KIAA1671: variants seen among roughly 807,000 people sequenced by gnomAD.
KIAA1671 encodes uncharacterized protein KIAA1671.
A neutral mutation model predicts 131.2 loss-of-function variants in KIAA1671; 52 were observed. That is an observed-to-expected ratio of 0.40 (90% CI 0.32 to 0.50). The LOEUF (loss-of-function observed/expected upper bound fraction) is 0.50. KIAA1671 is among the 20% of genes least tolerant of loss of function. The pLI is 0.73. For missense variants in KIAA1671, 2,360 were observed against 2,364.2 expected (o/e 1.00, Z 0.04); for synonymous variants, 1,003 against 961.6 (o/e 1.04, Z -0.80).
chr22:24,954,334 C>T (rs974782295), intron 1 of KIAA1671, among the ~76,000 whole-genome samples: 2 of 152,122 alleles, frequency 1.3e-5, no homozygotes, highest in African/African-American at 4.8e-5. Flanking sequence ...GACTCTGGCG[C>T]CTCCTTCCTT....
chr22:25,093,712 C>G (rs1601304755), intron 6 of KIAA1671, among the ~76,000 whole-genome samples: 1 of 120,572 alleles, frequency 8.3e-6, no homozygotes, highest in African/African-American at 5.2e-5. Context: ...CACACACACA[C>G]ACACACACAC....
At chr22:25,182,034 C>T (rs1043098273) in intron 10 of KIAA1671, among the ~76,000 whole-genome samples, 1 of 152,096 alleles carries the variant, frequency 6.6e-6, no homozygotes, top group Non-Finnish European at 1.5e-5. Context: ...AAAAAATTAG[C>T]CGGGCGTGGT....
rs1923490519 is a variant in KIAA1671 at position 24,985,735 on chromosome 22, AGTGTGTGTGTGTATGTGTGTGT to A, written c.-208+32979_-208+33000del. Reference sequence around the variant, plus strand: ...GGGGGAGAGAGAGAGAGAGTGTGTGAGTGTGTGTGTGTATGTGTGTGTGTGTGTGTGTGTATGGTGAGGGGAG... The same window carrying A: ...GGGGGAGAGAGAGAGAGAGTGTGTGAGTGTGTGTGTGTATGGTGAGGGGAG... On this transcript the variant is annotated intron_variant, in intron 1 of 12. Coordinates refer to ENST00000358431, the MANE Select transcript of KIAA1671 (RefSeq NM_001145206.2). 2.1e-5 allele frequency among the ~76,000 whole-genome samples: 3 copies of A among 146,322 alleles called. No individual in the cohort carries two copies. The South Asian group carries it at 6.6e-4, about 32-fold the overall frequency.
At position 25,093,854 on chromosome 22, in the gene KIAA1671, C is replaced by CTG. The variant is rs1568951703; in HGVS notation, c.4530+44491_4530+44492insGT. ...TCTCTGTCTGTCTCTCTCTCTCTCT[C>CTG]TCTCTCTCTCTCTCTCTCTCTCTCT... is the stretch of plus-strand genomic sequence containing the variant. On this transcript the variant is annotated intron_variant, in intron 6 of 12. Coordinates refer to ENST00000358431, the MANE Select transcript of KIAA1671 (RefSeq NM_001145206.2). 2.3e-3 allele frequency among the ~76,000 whole-genome samples: 266 copies of CTG among 114,806 alleles called. 12 individuals are homozygous for CTG. Among genetic ancestry groups the CTG allele is most frequent in the East Asian group, 0.013 (51 of 4,080 alleles). The allele number at this position is 114,806 out of a possible 152,430, so 75.3% of individuals were successfully genotyped here.
intron 6 of KIAA1671, among the ~76,000 whole-genome samples, chr22:25,169,674 A>G (rs1446080974): frequency 6.6e-6 from 1 of 152,220 alleles, no homozygotes; most frequent in Non-Finnish European, 1.5e-5. Context: ...CAGTTCAGTC[A>G]TTTAATGGGG....
intron 6 of KIAA1671, among the ~76,000 whole-genome samples, chr22:25,065,539 C>T (rs1479554982): frequency 6.6e-6 from 1 of 152,084 alleles, no homozygotes; most frequent in African/African-American, 2.4e-5. Context: ...AAATGGTGCA[C>T]CACCTTCCTC....
intron 6 of KIAA1671, among the ~76,000 whole-genome samples, chr22:25,085,969 A>G (rs573776376): frequency 1.3e-5 from 2 of 152,258 alleles, no homozygotes; most frequent in East Asian, 1.9e-4. Context: ...CTATCTTTGT[A>G]TCCCTGTCAC....
intron 6 of KIAA1671, among the ~76,000 whole-genome samples, chr22:25,080,594 G>C (rs1325147567): frequency 6.6e-6 from 1 of 152,078 alleles, no homozygotes; most frequent in African/African-American, 2.4e-5. Flanking sequence ...TGTCACCCAG[G>C]TTGGAGTGCC....
intron 1 of KIAA1671, among the ~76,000 whole-genome samples, chr22:24,999,281 C>CTG (rs1480128410): frequency 4.6e-5 from 7 of 152,190 alleles, no homozygotes; most frequent in African/African-American, 1.4e-4. Flanking sequence ...GTCACCTAGG[C>CTG]TGGAGTGCAC....
intron 6 of KIAA1671, among the ~76,000 whole-genome samples, chr22:25,104,551 T>C (rs1930892744): frequency 6.6e-6 from 1 of 152,182 alleles, no homozygotes; most frequent in South Asian, 2.1e-4. Context: ...ATTTCAGCCC[T>C]CTTGGAATAC....
intron 6 of KIAA1671, among the ~76,000 whole-genome samples, chr22:25,098,638 G>T (rs554117307): frequency 6.6e-6 from 1 of 150,844 alleles, no homozygotes; most frequent in Non-Finnish European, 1.5e-5. Context: ...GGGCGGGGGG[G>T]GGTTTGCTCT....
chr22:25,165,001 G>A (rs1267602474), intron 6 of KIAA1671, among the ~76,000 whole-genome samples: 1 of 150,096 alleles, frequency 6.7e-6, no homozygotes, highest in Non-Finnish European at 1.5e-5. Flanking sequence ...GTGTGTGTGT[G>A]TGTGTGTGTG....
intron 6 of KIAA1671, among the ~76,000 whole-genome samples, chr22:25,101,120 G>A (rs1930641136): frequency 6.6e-6 from 1 of 152,212 alleles, no homozygotes; most frequent in South Asian, 2.1e-4. Context: ...GGAAAGAAAC[G>A]TGTTGTCCAG....
In KIAA1671 at chr22:25,143,323, C is replaced by T. The variant is rs577342245; in HGVS notation, c.4531-27497C>T. On this transcript the variant is annotated intron_variant, in intron 6 of 12. Coordinates refer to ENST00000358431, the MANE Select transcript of KIAA1671 (RefSeq NM_001145206.2). ...TCTCAGGGGTCTGAGGAGGAGTCTA[C>T]GCCAGCACAGGGTTGGGCAGGCTGA... is the stretch of plus-strand genomic sequence containing the variant. 9.7e-4 allele frequency among the ~76,000 whole-genome samples: 148 copies of T among 152,302 alleles called. 1 individual carries two copies. Among genetic ancestry groups the T allele is most frequent in the African/African-American group, 3.4e-3 (140 of 41,564 alleles).
intron 6 of KIAA1671, among the ~76,000 whole-genome samples, chr22:25,147,272 A>C (rs1006052053): frequency 6.6e-6 from 1 of 151,508 alleles, no homozygotes; most frequent in Non-Finnish European, 1.5e-5. Context: ...GGCTCACTGC[A>C]ACTTCCACCT....
chr22:25,119,575 A>C (rs1344305620), intron 6 of KIAA1671, among the ~76,000 whole-genome samples: 1 of 152,218 alleles, frequency 6.6e-6, no homozygotes, highest in East Asian at 1.9e-4. Flanking sequence ...CAATTAAGTA[A>C]ACCAATGAAT....
rs925581733 is a variant in KIAA1671 at position 25,068,443 on chromosome 22, G to GT, written c.4530+19090dup. ...TCTCCTTGTTTTTTGTTTTTTTGTTGTTTTTTTTTTTGAGACAGAGCCTCA... is the reference window on the plus strand; with the variant it reads ...TCTCCTTGTTTTTTGTTTTTTTGTTGTTTTTTTTTTTTGAGACAGAGCCTCA... On this transcript the variant is annotated intron_variant, in intron 6 of 12. Coordinates refer to ENST00000358431, the MANE Select transcript of KIAA1671 (RefSeq NM_001145206.2). Among the ~76,000 whole-genome samples, 1,040 of 146,602 alleles carry GT rather than the reference G, an allele frequency of 7.1e-3. 13 individuals carry two copies. The highest frequency in any genetic ancestry group is 0.022 in the African/African-American group (897 of 40,252).
At chr22:25,046,249 C>T (rs978749333) in intron 5 of KIAA1671, among the ~76,000 whole-genome samples, 5 of 151,890 alleles carry the variant, frequency 3.3e-5, no homozygotes, top group Admixed American at 2.6e-4. Flanking sequence ...TTGTAGTGAG[C>T]GGAGATCGTG....
rs570798227 is a variant in KIAA1671, at chr22:24,956,401, C to T, written c.-208+3629C>T. ...TGCAGGCCTCTGTGGCATTGTGAGG[C>T]GTTTGCCAGGCAGCAGTGGCAAAGC... On this transcript the variant is annotated intron_variant, in intron 1 of 12. Coordinates refer to ENST00000358431, the MANE Select transcript of KIAA1671 (RefSeq NM_001145206.2). Among the ~76,000 whole-genome samples, 4 of 152,162 alleles carry T rather than the reference C, an allele frequency of 2.6e-5. 1 individual carries two copies. Among genetic ancestry groups the T allele is most frequent in the Admixed American group, 6.5e-5 (1 of 15,280 alleles).
Sources: gnomAD v4.1 joint callset for allele counts (sites outside exome capture counted in the v4.1 genomes callset) on GRCh38, gnomAD v4.1.1 for gene constraint, MANE v1.5 for transcripts, NCBI Gene and HGNC (gene_info 2026-07-23, HGNC 2026-07-21) for gene names.